The following ANXA2 variants were observed in gnomAD, a reference collection of about 807,000 sequenced individuals.
ANXA2 encodes the protein annexin II.
A neutral mutation model predicts 47.3 loss-of-function variants in ANXA2; 28 were observed. The observed-to-expected ratio is 0.59, with a 90% CI of 0.44 to 0.81. The LOEUF is 0.81. ANXA2 is among the 40% of genes least tolerant of loss of function. The pLI is 0.00. For synonymous variants in ANXA2, 172 were observed against 155.5 expected, an observed-to-expected ratio of 1.11 and a Z score of -0.79; for missense variants, 384 against 414.3, an observed-to-expected ratio of 0.93 and a Z score of 0.64.
chr15:60,381,157 T>C (rs2062853024), intron 3 of ANXA2, among the ~76,000 whole-genome samples: 2 of 152,194 alleles, frequency 1.3e-5, no homozygotes, highest in African/African-American at 2.4e-5. Context: ...ATCCTAGTTA[T>C]AGGTTCCCAG....
At chr15:60,349,004 T>C in intron 12 of ANXA2, 71 bp downstream of exon 12, 2 of 1,590,544 alleles carry the variant, frequency 1.3e-6, no homozygotes, top group Non-Finnish European at 1.7e-6. Context: ...GTCATCATTC[T>C]GCCAGGCCAC....
chr15:60,386,258 G>A, intron 1 of ANXA2, 172 bp from the exon 2 acceptor site: 1 of 595,814 alleles, frequency 1.7e-6, no homozygotes, highest in Non-Finnish European at 3.0e-6. Flanking sequence ...CTAAACCTCA[G>A]AGATGGTCTG....
intron 1 of ANXA2, among the ~76,000 whole-genome samples, chr15:60,391,800 C>T (rs1377139097): frequency 6.6e-6 from 1 of 152,058 alleles, no homozygotes; most frequent in Non-Finnish European, 1.5e-5. Context: ...CCTTTTCTGG[C>T]AGACTTCTCT....
intron 3 of ANXA2, among the ~76,000 whole-genome samples, chr15:60,378,379 T>A (rs1415119914): frequency 6.6e-6 from 1 of 152,208 alleles, no homozygotes; most frequent in African/African-American, 2.4e-5. Flanking sequence ...TCTGCAGACA[T>A]TCTATGTAAT....
Position 60,382,343 on chromosome 15 carries a change from T to G in ANXA2, c.147A>C (p.Lys49Asn), listed in dbSNP as rs2062873221. ...ALNIETAIKT[K>N]GVDEVTIVNI... ...GAAGAGGACAAATGTATCACCTACC[T>G]TTGGTCTTGATGGCTGTTTCAATGT... The change falls in exon 3 of 13, where the codon AAA becomes AAC. Residue 49 changes from lysine (K) to asparagine (N), a missense_variant and splice_region_variant. Coordinates refer to ENST00000451270, the MANE Select transcript of ANXA2 (RefSeq NM_004039.3). The G allele has an allele frequency of 1.9e-6, 3 of 1,612,442 alleles. No individual in the cohort carries two copies. Among genetic ancestry groups the G allele is most frequent in the Non-Finnish European group, 2.5e-6 (3 of 1,178,556 alleles).
intron 8 of ANXA2, among the ~76,000 whole-genome samples, chr15:60,353,572 G>C (rs777222461): frequency 6.6e-6 from 1 of 152,238 alleles, no homozygotes; most frequent in Non-Finnish European, 1.5e-5. Context: ...ATTGCTGTCA[G>C]ACTATGGTGG....
In ANXA2 at chr15:60,364,494, A is replaced by G; in HGVS notation, c.178T>C (p.Leu60=). Residue 60 remains leucine (L), a synonymous_variant, in exon 4 of 13, where the codon TTG becomes CTG. Transcript: ENST00000451270. ...GVDEVTIVNI[L]TNRSNAQRQD... ...CTCTGTGCATTGCTGCGGTTGGTCA[A>G]AATGTTGACAATGGTGACCTCATCC... 2 of 1,613,502 alleles carry G rather than the reference A, an allele frequency of 1.2e-6. No homozygotes were observed. Among genetic ancestry groups the G allele is most frequent in the Non-Finnish European group, 1.7e-6 (2 of 1,179,830 alleles).
chr15:60,375,032 T>A (rs2062758825), intron 3 of ANXA2, among the ~76,000 whole-genome samples: 1 of 152,300 alleles, frequency 6.6e-6, no homozygotes, highest in South Asian at 2.1e-4. Context: ...GAGAATATAT[T>A]TCTAATTGTT....
At chr15:60,368,276 C>T (rs1250887606) in intron 3 of ANXA2, among the ~76,000 whole-genome samples, 2 of 142,012 alleles carry the variant, frequency 1.4e-5, no homozygotes, top group Non-Finnish European at 3.1e-5. Context: ...CTGCCAAATC[C>T]CCCTCTGCGA....
chr15:60,364,297 G>C, intron 4 of ANXA2, 132 bp downstream of exon 4: 2 of 736,240 alleles, frequency 2.7e-6, no homozygotes, highest in Non-Finnish European at 4.6e-6. Flanking sequence ...GATTTAAGAA[G>C]AAAATCTTAG....
chr15:60,397,417 C>G (rs551777721), intron 1 of ANXA2: 2 of 675,662 alleles, frequency 3.0e-6, no homozygotes, highest in African/African-American at 3.9e-5. Flanking sequence ...ACTCCCCCCT[C>G]TCGTCTTCCC....
At chr15:60,363,617 T>A (rs1015683430) in intron 4 of ANXA2, among the ~76,000 whole-genome samples, 1 of 151,986 alleles carries the variant, frequency 6.6e-6, no homozygotes, top group Non-Finnish European at 1.5e-5. Flanking sequence ...ACTGACAAAA[T>A]AAAGGACGAA....
intron 11 of ANXA2, among the ~76,000 whole-genome samples, chr15:60,350,927 A>T (rs1895978831): frequency 6.6e-6 from 1 of 152,234 alleles, no homozygotes; most frequent in African/African-American, 2.4e-5. Flanking sequence ...AGCAGGGATC[A>T]GACACGACTA....
Position 60,373,715 on chromosome 15 carries a change from T to A in ANXA2, c.148+8627A>T, listed in dbSNP as rs144918827. Among the ~76,000 whole-genome samples, 77 of 152,274 alleles carry A rather than the reference T, an allele frequency of 5.1e-4. 1 individual carries two copies. The East Asian group carries it at 0.012, about 24-fold the overall frequency. On this transcript the variant is annotated intron_variant, in intron 3 of 12. Transcript: ENST00000451270. ...TTAGTTCTCTTCCTAGGCCTAGGTA[T>A]CTCACCCCTATAGAACAGAGATAAT...
At chr15:60,359,382 G>C (rs1217477598) in intron 5 of ANXA2, among the ~76,000 whole-genome samples, 2 of 152,206 alleles carry the variant, frequency 1.3e-5, no homozygotes, top group Non-Finnish European at 1.5e-5. Flanking sequence ...AAACCTAGGA[G>C]AGGCTGACTC....
At chr15:60,392,943 A>T (rs980891970) in intron 1 of ANXA2, 5 of 7,276 alleles carry the variant, frequency 6.9e-4, no homozygotes, top group Non-Finnish European at 7.8e-4. Flanking sequence ...ATTTTAAACT[A>T]AAAAAAAAAA....
chr15:60,357,066 C>G (rs941160033), intron 6 of ANXA2, 80 bp downstream of exon 6: 1 of 1,339,490 alleles, frequency 7.5e-7, no homozygotes, highest in Non-Finnish European at 1.1e-6. Flanking sequence ...GCATCTTAGC[C>G]CGAACCCTAA....
chr15:60,360,156 T>G (rs900012139), intron 5 of ANXA2, among the ~76,000 whole-genome samples: 2 of 152,178 alleles, frequency 1.3e-5, no homozygotes, highest in African/African-American at 4.8e-5. Flanking sequence ...CTCGGGATGC[T>G]GAGGCAGGAG....
intron 1 of ANXA2, chr15:60,393,508 A>C: frequency 1.0e-6 from 1 of 990,648 alleles, no homozygotes; most frequent in Non-Finnish European, 1.2e-6. Flanking sequence ...CCTTTCCTTA[A>C]ATATCTTCTA....
Sources: gnomAD v4.1 joint callset for allele counts (sites outside exome capture counted in the v4.1 genomes callset) on GRCh38, gnomAD v4.1.1 for gene constraint, MANE v1.5 for transcripts, NCBI Gene and HGNC (gene_info 2026-07-23, HGNC 2026-07-21) for gene names.